CCDC57: variants seen among roughly 807,000 people sequenced by gnomAD.
The protein encoded by CCDC57 is coiled-coil domain containing 57, also known as coiled-coil domain-containing protein 57.
CCDC57 carries 118 observed loss-of-function variants against 118.9 expected under a neutral mutation model. That is an observed-to-expected ratio of 0.99 (90% confidence interval 0.86 to 1.16). CCDC57 has a LOEUF of 1.16. Ranked by LOEUF, CCDC57 falls within the 50% of genes most tolerant of loss-of-function variation. The pLI is 0.00. For synonymous variants in CCDC57, 527 were observed against 532.9 expected (o/e 0.99, Z 0.15); for missense variants, 1,300 against 1,320.7 (o/e 0.98, Z 0.24).
chr17:82,180,325 G>T (rs2046046769), intron 9 of CCDC57, among the ~76,000 whole-genome samples: 1 of 152,128 alleles, frequency 6.6e-6, no homozygotes, highest in Non-Finnish European at 1.5e-5. Flanking sequence ...GGCCATCATT[G>T]ATTCCAGCCT....
chr17:82,151,197 G>A (rs58367143), intron 16 of CCDC57, among the ~76,000 whole-genome samples: 15,176 of 63,170 alleles, frequency 0.24, 4,449 homozygotes, highest in East Asian at 0.7. Flanking sequence ...CCAGAACCAG[G>A]CGCACATCCA....
rs543066780 is a variant in CCDC57, at chr17:82,138,737, C to A, written c.2456-4543G>T. The stretch of plus-strand genomic sequence containing the variant: ...GCCCCGGGCTGTGTGTGTCAGGTAA[C>A]TTGTTCGTCTGAGGCACTGAGGAAC... On this transcript the variant is annotated intron_variant, in intron 16 of 19. Transcript: ENST00000665763. Among the ~76,000 whole-genome samples the A allele has an allele frequency of 2.1e-3, 312 of 152,168 alleles. 2 individuals carry two copies. Among genetic ancestry groups the A allele is most frequent in the African/African-American group, 7.0e-3 (291 of 41,522 alleles).
At chr17:82,188,551 A>T in intron 7 of CCDC57, 132 bp from the exon 7 acceptor site, 1 of 916,332 alleles carries the variant, frequency 1.1e-6, no homozygotes. Flanking sequence ...GCTTCGCAGC[A>T]GCCACCTGGC....
intron 2 of CCDC57, 43 bp from the exon 2 acceptor site, chr17:82,201,995 C>A (rs2049051863): frequency 2.7e-6 from 4 of 1,485,754 alleles, no homozygotes; most frequent in Non-Finnish European, 3.6e-6. Flanking sequence ...CCGTGAGGGG[C>A]CCTAATTTTC....
At chr17:82,107,162 G>C (rs1042586283) in intron 19 of CCDC57, among the ~76,000 whole-genome samples, 1 of 152,346 alleles carries the variant, frequency 6.6e-6, no homozygotes, top group East Asian at 1.9e-4. Flanking sequence ...CCACATGCCT[G>C]GCCAAAGGCC....
intron 2 of CCDC57, among the ~76,000 whole-genome samples, chr17:82,204,709 G>T (rs544108149): frequency 6.6e-6 from 1 of 152,154 alleles, no homozygotes; most frequent in African/African-American, 2.4e-5. Context: ...CGTGAACCCC[G>T]GAGGCGAAGC....
chr17:82,125,277 C>A (rs2037262857), intron 19 of CCDC57, among the ~76,000 whole-genome samples: 1 of 152,164 alleles, frequency 6.6e-6, no homozygotes, highest in Non-Finnish European at 1.5e-5. Context: ...GTGACTCACG[C>A]CTGCAGTCTC....
chr17:82,141,466 G>A (rs1430234161), intron 16 of CCDC57, among the ~76,000 whole-genome samples: 3 of 152,208 alleles, frequency 2.0e-5, no homozygotes, highest in Admixed American at 6.5e-5. Flanking sequence ...GATTACAGGC[G>A]TGAGCCACCG....
intron 15 of CCDC57, chr17:82,154,717 G>C (rs1454667303): frequency 2.0e-5 from 3 of 152,110 alleles, no homozygotes; most frequent in Non-Finnish European, 4.4e-5. Flanking sequence ...ATGATGCCCT[G>C]ACGCCGTCTC....
In CCDC57 at chr17:82,172,906, C is replaced by G; in HGVS notation, c.1507-46G>C. On this transcript the variant is annotated intron_variant, in intron 11 of 19. Transcript: ENST00000665763. The surrounding 1 kb of genome is among the most constrained non-coding windows in gnomAD (Gnocchi z 5.2). ...TGGCTACAAAAAGATGAATGGTTCC[C>G]CAGCTTGTCCTGACAGGCTGTGCCT... is the stretch of plus-strand genomic sequence containing the variant. 1 of 1,533,454 alleles carries G rather than the reference C, an allele frequency of 6.5e-7. No individual in the cohort carries two copies. The highest frequency in any genetic ancestry group is 8.9e-7 in the Non-Finnish European group (1 of 1,124,464). The allele number at this position is 1,533,454 out of a possible 1,614,324, so 95.0% of individuals were successfully genotyped here.
intron 14 of CCDC57, among the ~76,000 whole-genome samples, chr17:82,158,838 G>A (rs544704000): frequency 6.6e-6 from 1 of 151,770 alleles, no homozygotes; most frequent in Non-Finnish European, 1.5e-5. Context: ...GATTACACGT[G>A]TGAGCCACCG....
At chr17:82,184,592 A>G (rs1383205076) in intron 8 of CCDC57, among the ~76,000 whole-genome samples, 1 of 152,218 alleles carries the variant, frequency 6.6e-6, no homozygotes, top group Non-Finnish European at 1.5e-5. Context: ...TGTTTCCCTA[A>G]GAGATGGGAA....
chr17:82,212,690 A>C lies in CCDC57; in HGVS notation c.-211+95T>G, dbSNP rs961441806. On this transcript the variant is annotated intron_variant, in intron 1 of 19. Coordinates refer to ENST00000665763, the Ensembl canonical transcript of CCDC57. The surrounding 1 kb of genome is among the most constrained non-coding windows in gnomAD (Gnocchi z 4.1). ...TCCCCACCAAAGCGCTGCGTCCGAC[A>C]GGACGGCAGCTGCTGGGGTTTTCTA... 1 of 151,894 alleles carries C rather than the reference A, an allele frequency of 6.6e-6. No homozygotes were observed. The highest frequency in any genetic ancestry group is 1.5e-5 in the Non-Finnish European group (1 of 67,956). The allele number at this position is 151,894 out of a possible 1,614,324, so 9.4% of individuals were successfully genotyped here. A position where few individuals can be genotyped will look rare whatever the true frequency, so the allele number is the denominator to read the frequency against.
At chr17:82,103,025 G>A (rs1300412812) in intron 19 of CCDC57, among the ~76,000 whole-genome samples, 1 of 152,250 alleles carries the variant, frequency 6.6e-6, no homozygotes, top group East Asian at 1.9e-4. Flanking sequence ...TGGACAGGCT[G>A]ACCCAGGCAG....
chr17:82,177,434 A>C (rs915966302), intron 11 of CCDC57, among the ~76,000 whole-genome samples: 22 of 152,120 alleles, frequency 1.4e-4, no homozygotes, highest in African/African-American at 5.1e-4. Context: ...GGTCCCAGCT[A>C]CTGGAGCAGC....
At chr17:82,111,769 G>A (rs548548849) in intron 19 of CCDC57, among the ~76,000 whole-genome samples, 2 of 151,364 alleles carry the variant, frequency 1.3e-5, no homozygotes, top group African/African-American at 2.4e-5. Context: ...ACCATGCCCA[G>A]CTAATTTTTG....
At position 82,172,148 on chromosome 17, in the gene CCDC57, G is replaced by A. The variant is rs149338614; in HGVS notation, c.1730-295C>T. Among the ~76,000 whole-genome samples the A allele has an allele frequency of 4.6e-5, 7 of 152,330 alleles. No homozygotes were observed. The highest frequency in any genetic ancestry group is 9.6e-5 in the African/African-American group (4 of 41,576). On this transcript the variant is annotated intron_variant, in intron 12 of 19. Transcript: ENST00000665763. The surrounding 1 kb of genome is among the most constrained non-coding windows in gnomAD (Gnocchi z 5.2). Reference sequence around the variant, plus strand: ...AATGCTCCACCTGCCGCCAGCCCACGTGCCTCTGTGCAGAGGGGCCAAGTC... The same window carrying A: ...AATGCTCCACCTGCCGCCAGCCCACATGCCTCTGTGCAGAGGGGCCAAGTC...
At chr17:82,190,695 C>CAAA (rs533549239) in intron 7 of CCDC57, among the ~76,000 whole-genome samples, 4 of 49,892 alleles carry the variant, frequency 8.0e-5, no homozygotes, top group Admixed American at 2.1e-4. Flanking sequence ...GACTCTGTCT[C>CAAA]AAAAAAAAAA....
Position 82,157,949 on chromosome 17 carries a change from C to A in CCDC57, c.2041-1G>T, listed in dbSNP as rs1157712477. Reference sequence around the variant, plus strand: ...CCGGCTCCAGGGGTTCCCGCAGCACCTAGGGGTCATTTCAAAGGCAGTGTG... The same window carrying A: ...CCGGCTCCAGGGGTTCCCGCAGCACATAGGGGTCATTTCAAAGGCAGTGTG... On this transcript the variant is annotated splice_acceptor_variant, in intron 14 of 19. Transcript: ENST00000665763. LOFTEE classifies it high-confidence loss of function. 1 of 1,552,234 alleles carries A rather than the reference C, an allele frequency of 6.4e-7. No homozygotes were observed. Among genetic ancestry groups the A allele is most frequent in the East Asian group, 2.4e-5 (1 of 41,096 alleles).
Sources: allele counts gnomAD v4.1 joint callset (sites outside exome capture counted in the v4.1 genomes callset), GRCh38; gene constraint gnomAD v4.1.1; non-coding constraint Gnocchi (gnomAD v3.1); transcripts MANE v1.5; gene names NCBI Gene and HGNC (gene_info 2026-07-23, HGNC 2026-07-21).